Variants in PNPT1 observed in about 807,000 individuals in gnomAD.
PNPT1 encodes the protein polyribonucleotide nucleotidyltransferase 1, also known as polyribonucleotide nucleotidyltransferase 1, mitochondrial.
In PNPT1, 53 loss-of-function variants were observed where a neutral mutation model predicts 119.5. The observed-to-expected ratio is 0.44, with a 90% CI of 0.36 to 0.56. The LOEUF is 0.56. Among genes scored for constraint, PNPT1 ranks in the 20% least tolerant of loss-of-function variants. The probability of loss-of-function intolerance (pLI) is 0.00; values close to 1 mark genes in which losing one functional copy is unlikely to be tolerated. For missense variants in PNPT1, 948 were observed against 938.5 expected (o/e 1.01, Z -0.13); for synonymous variants, 357 against 322.1 (o/e 1.11, Z -1.16).
At chr2:55,670,963 C>T (rs1483102526) in intron 11 of PNPT1, among the ~76,000 whole-genome samples, 1 of 47,790 alleles carries the variant, frequency 2.1e-5, no homozygotes, top group African/African-American at 1.0e-4. Flanking sequence ...AGATCTTCAA[C>T]TAAAGTTAAA....
In PNPT1 at chr2:55,667,080, C is replaced by A. The variant is rs1395733679; in HGVS notation, c.1087G>T (p.Asp363Tyr). ...CTTACATTCCTAAGTGAAGTCAAAT[C>A]CCGACCATCGCACCTATAGTGATAT... The part of the protein sequence containing the change: ...LNEYKRCDGR[D>Y]LTSLRNVSCE... Residue 363 changes from aspartate (D) to tyrosine (Y), a missense_variant, in exon 13 of 28, where the codon GAT (aspartate) becomes TAT (tyrosine). By Grantham distance (160) the Asp-to-Tyr change is radical (BLOSUM62 -3). Transcript: ENST00000447944. 6 of 1,611,624 alleles carry A rather than the reference C, an allele frequency of 3.7e-6. No individual in the cohort carries two copies. The Admixed American group carries it at 1.0e-4, about 27-fold the overall frequency.
intron 8 of PNPT1, among the ~76,000 whole-genome samples, chr2:55,678,548 C>T (rs1697155496): frequency 6.6e-6 from 1 of 152,174 alleles, no homozygotes; most frequent in Admixed American, 6.5e-5. Context: ...TTTCTTCCTC[C>T]TGCCTGTAAG....
chr2:55,638,088 G>A (rs544163384), intron 26 of PNPT1, among the ~76,000 whole-genome samples: 446 of 150,178 alleles, frequency 3.0e-3, no homozygotes, highest in African/African-American at 0.01. Flanking sequence ...GATCACTTGA[G>A]CTCCGGAGTT....
Position 55,647,404 on chromosome 2 carries a change from G to A in PNPT1, c.1545C>T (p.Thr515=). 1 of 1,609,546 alleles carries A rather than the reference G, an allele frequency of 6.2e-7. No individual in the cohort carries two copies. Among genetic ancestry groups the A allele is most frequent in the Non-Finnish European group, 8.5e-7 (1 of 1,177,144 alleles). The change falls in exon 19 of 28, where the codon ACC becomes ACT. Residue 515 remains threonine, a synonymous_variant. Transcript: ENST00000447944. ...TTTCACCCTTCTCAGGATCGGTTTT[G>A]GTGACCAATCCTATTGCTACGCCTG... is the stretch of plus-strand genomic sequence containing the variant. ...AVAGVAIGLV[T]KTDPEKGEIE...
chr2:55,660,137 A>G lies in PNPT1; in HGVS notation c.1284+20T>C. ...TTATTAATTTATTAATAAAATTTTG[A>G]GGAAAAAAATTCACCTTACCTCGTA... On this transcript the variant is annotated intron_variant, in intron 15 of 27. Coordinates refer to ENST00000447944, the MANE Select transcript of PNPT1 (RefSeq NM_033109.5). 2 of 1,565,978 alleles carry G rather than the reference A, an allele frequency of 1.3e-6. No homozygotes were observed. The highest frequency in any genetic ancestry group is 1.2e-5 in the South Asian group (1 of 82,486).
intron 15 of PNPT1, among the ~76,000 whole-genome samples, chr2:55,658,772 C>A (rs1436106151): frequency 6.6e-6 from 1 of 152,120 alleles, no homozygotes; most frequent in Non-Finnish European, 1.5e-5. Flanking sequence ...ATAAGGGATT[C>A]AAGACCTGTA....
intron 8 of PNPT1, among the ~76,000 whole-genome samples, chr2:55,677,250 C>G (rs1214120199): frequency 6.6e-6 from 1 of 152,242 alleles, no homozygotes; most frequent in Non-Finnish European, 1.5e-5. Flanking sequence ...GAAGAGCCAG[C>G]TGGAAGTTGG....
chr2:55,678,593 C>T (rs950372127), intron 8 of PNPT1, among the ~76,000 whole-genome samples: 1 of 152,152 alleles, frequency 6.6e-6, no homozygotes, highest in Non-Finnish European at 1.5e-5. Flanking sequence ...CATGCCAGTT[C>T]ATAAGCATGA....
intron 13 of PNPT1, among the ~76,000 whole-genome samples, 157 bp from the exon 14 acceptor site, chr2:55,662,183 T>G (rs1212154850): frequency 6.6e-6 from 1 of 152,208 alleles, no homozygotes; most frequent in Non-Finnish European, 1.5e-5. Flanking sequence ...ACTTATTTAT[T>G]CTATAAATAT....
At chr2:55,639,735 A>C (rs1467117762) in intron 26 of PNPT1, among the ~76,000 whole-genome samples, 2 of 152,176 alleles carry the variant, frequency 1.3e-5, no homozygotes, top group African/African-American at 2.4e-5. Context: ...TATAATTAAA[A>C]AATTATGGGG....
chr2:55,639,151 C>T (rs1278425030), intron 26 of PNPT1, among the ~76,000 whole-genome samples: 1 of 152,106 alleles, frequency 6.6e-6, no homozygotes, highest in Non-Finnish European at 1.5e-5. Flanking sequence ...TAAACAATCA[C>T]CTAAAGACAA....
intron 8 of PNPT1, among the ~76,000 whole-genome samples, chr2:55,676,365 A>C (rs1697071728): frequency 6.6e-6 from 1 of 152,016 alleles, no homozygotes; most frequent in African/African-American, 2.4e-5. Context: ...TAAATTCTAG[A>C]CCCAAAATAT....
chr2:55,652,541 G>T (rs1380113444), intron 18 of PNPT1, among the ~76,000 whole-genome samples: 1 of 152,126 alleles, frequency 6.6e-6, no homozygotes, highest in Non-Finnish European at 1.5e-5. Context: ...GAAAGAGACA[G>T]GGCTGAAATA....
intron 8 of PNPT1, among the ~76,000 whole-genome samples, 171 bp from the exon 9 acceptor site, chr2:55,673,250 C>T (rs918128630): frequency 2.6e-5 from 4 of 151,600 alleles, no homozygotes; most frequent in South Asian, 2.1e-4. Flanking sequence ...ATGTAAGCAG[C>T]GGTAAATGAA....
chr2:55,684,303 A>G (rs911810335), intron 4 of PNPT1, among the ~76,000 whole-genome samples: 8 of 152,212 alleles, frequency 5.3e-5, no homozygotes, highest in Admixed American at 2.0e-4. Flanking sequence ...CAGCCTGACC[A>G]AAATGGAGAA....
chr2:55,679,918 A>T, intron 7 of PNPT1, 123 bp from the exon 8 acceptor site: 1 of 674,976 alleles, frequency 1.5e-6, no homozygotes, highest in Non-Finnish European at 2.4e-6. Flanking sequence ...ATGTTTCTAC[A>T]CGGTATTTAA....
rs1288276942 is a variant in PNPT1 at position 55,645,382 on chromosome 2, G to A, written c.1789C>T (p.Arg597Ter). Reference sequence around the variant, plus strand: ...GGTCCATTTTCTTTTCTAGATGCTCGAGGTTTTGAAATAGTTTTGTTCATG... The same window carrying A: ...GGTCCATTTTCTTTTCTAGATGCTCAAGGTTTTGAAATAGTTTTGTTCATG... ...QIMNKTISKP[R>*]ASRKENGPVV... The change falls in exon 22 of 28, where the codon CGA becomes TGA. Residue 597 changes from arginine (R) to a stop codon, truncating the protein, a stop_gained. Transcript: ENST00000447944. LOFTEE classifies it high-confidence loss of function. The A allele has an allele frequency of 2.5e-6, 4 of 1,612,336 alleles. No individual in the cohort carries two copies. Among genetic ancestry groups the A allele is most frequent in the East Asian group, 2.2e-5 (1 of 44,854 alleles).
chr2:55,687,298 G>C (rs1697441328), intron 2 of PNPT1, among the ~76,000 whole-genome samples: 1 of 151,754 alleles, frequency 6.6e-6, no homozygotes, highest in South Asian at 2.1e-4. Flanking sequence ...AAATTAGCTG[G>C]GTGTGGTGGT....
At chr2:55,685,350 C>G (rs913406705) in intron 3 of PNPT1, among the ~76,000 whole-genome samples, 1 of 152,112 alleles carries the variant, frequency 6.6e-6, no homozygotes, top group Non-Finnish European at 1.5e-5. Context: ...CACAGAAAGA[C>G]CTTGTCTCTA....
Sources: gnomAD v4.1 joint callset for allele counts (sites outside exome capture counted in the v4.1 genomes callset) on GRCh38, gnomAD v4.1.1 for gene constraint, MANE v1.5 for transcripts, NCBI Gene and HGNC (gene_info 2026-07-23, HGNC 2026-07-21) for gene names.